The following CTBP1 variants were observed in gnomAD, a reference collection of about 807,000 sequenced individuals.
CTBP1 encodes the protein C-terminal binding protein 1, also known as C-terminal-binding protein 1.
Under a neutral mutation model 42.1 loss-of-function variants are expected in CTBP1, and 11 were observed. The observed-to-expected ratio is 0.26, with a 90% CI of 0.16 to 0.43. CTBP1 has a LOEUF of 0.43. Ranked by LOEUF, CTBP1 falls within the 20% of genes least tolerant of loss-of-function variation. The pLI, the probability that CTBP1 is intolerant of heterozygous loss-of-function variation, is 1.00. For synonymous variants in CTBP1, 324 were observed against 277.1 expected, an observed-to-expected ratio of 1.17 and a Z score of -1.68; for missense variants, 399 against 624.3, an observed-to-expected ratio of 0.64 and a Z score of 3.85.
intron 5 of CTBP1, among the ~76,000 whole-genome samples, chr4:1,224,114 G>C (rs890309293): frequency 2.6e-5 from 4 of 152,262 alleles, no homozygotes; most frequent in Non-Finnish European, 4.4e-5. Context: ...CAAGGGGCGA[G>C]CACATGCTAG....
At chr4:1,213,848 T>C (rs1166259832) in intron 7 of CTBP1, 7 of 519,610 alleles carry the variant, frequency 1.3e-5, no homozygotes, top group Non-Finnish European at 2.3e-5. Context: ...AAGTCCCTCG[T>C]GGGAGGAGCC....
chr4:1,233,986 G>A lies in CTBP1; in HGVS notation c.162+4197C>T, dbSNP rs143380607. Reference sequence around the variant, plus strand: ...CTTGTTGCTCCACGGTTCCCAGCACGTGGCTCCCCTCACAGTCCAAGGTGG... The same window carrying A: ...CTTGTTGCTCCACGGTTCCCAGCACATGGCTCCCCTCACAGTCCAAGGTGG... On this transcript the variant is annotated intron_variant, in intron 3 of 9. Coordinates refer to ENST00000382952, the MANE Select transcript of CTBP1 (RefSeq NM_001012614.2). This position sits in a 1 kb window ranked among gnomAD's most constrained non-coding sequence, Gnocchi z 4.6. 9.7e-3 allele frequency among the ~76,000 whole-genome samples: 1,476 copies of A among 152,266 alleles called. 19 individuals are homozygous for A. The highest frequency in any genetic ancestry group is 0.02 in the Middle Eastern group (6 of 294).
intron 1 of CTBP1, among the ~76,000 whole-genome samples, chr4:1,248,026 G>T (rs902109109): frequency 2.6e-5 from 4 of 152,254 alleles, no homozygotes; most frequent in Non-Finnish European, 5.9e-5. Context: ...TCCAGTCTCG[G>T]CCCGGGGCTC....
At position 1,213,608 on chromosome 4, in the gene CTBP1, G is replaced by A. The variant is rs1349074444; in HGVS notation, c.861-3C>T. On this transcript the variant is annotated splice_region_variant and splice_polypyrimidine_tract_variant and intron_variant, in intron 7 of 9. Transcript: ENST00000382952. ...CCTTCAGAGGGCCCTGGCTAAAGCT[G>A]GGAACAGCACAGGCATGGTCAGTGC... 2 of 1,612,582 alleles carry A rather than the reference G, an allele frequency of 1.2e-6. No individual in the cohort carries two copies. The highest frequency in any genetic ancestry group is 2.7e-5 in the African/African-American group (2 of 74,932).
chr4:1,247,373 A>G, intron 1 of CTBP1, among the ~76,000 whole-genome samples: 1 of 152,256 alleles, frequency 6.6e-6, no homozygotes, highest in Non-Finnish European at 1.5e-5. Flanking sequence ...CAACAGAATC[A>G]CAGAGAGCAA....
chr4:1,224,954 T>A (rs966143072), intron 5 of CTBP1, among the ~76,000 whole-genome samples: 1 of 151,748 alleles, frequency 6.6e-6, no homozygotes, highest in Non-Finnish European at 1.5e-5. Context: ...GAGGCCCACA[T>A]GTGTGCTCTG....
At chr4:1,232,693 G>GT (rs1446098244) in intron 3 of CTBP1, among the ~76,000 whole-genome samples, 2 of 152,192 alleles carry the variant, frequency 1.3e-5, no homozygotes, top group Non-Finnish European at 2.9e-5. Context: ...AGAAAACATT[G>GT]TATGTTCTGT....
At position 1,238,425 on chromosome 4, in the gene CTBP1, A is replaced by G; in HGVS notation, c.8-88T>C. The G allele has an allele frequency of 6.9e-7, 1 of 1,440,514 alleles. No individual in the cohort carries two copies. Among genetic ancestry groups the G allele is most frequent in the Non-Finnish European group, 9.2e-7 (1 of 1,084,512 alleles). 89.2% of individuals were successfully genotyped at this position (1,440,514 alleles called of 1,614,324 possible). On this transcript the variant is annotated intron_variant, in intron 2 of 9. Transcript: ENST00000382952. This position sits in a 1 kb window ranked among gnomAD's most constrained non-coding sequence, Gnocchi z 5.9. ...CACGCCACCCACTGTGCACGGGCCA[A>G]CGAGGGCCGACCGCCGGGGGTTTTC...
chr4:1,242,622 C>T, intron 1 of CTBP1: 1 of 985,470 alleles, frequency 1.0e-6, no homozygotes, highest in Non-Finnish European at 1.2e-6. Flanking sequence ...CACCTCCCAT[C>T]CAGGGTCCCC....
At chr4:1,230,870 C>T (rs3729593) in intron 3 of CTBP1, among the ~76,000 whole-genome samples, 9,351 of 152,332 alleles carry the variant, frequency 0.061, 481 homozygotes, top group East Asian at 0.21. Flanking sequence ...GTGCGCCGGC[C>T]AAGGGCCCTC....
At chr4:1,215,939 C>CA in intron 6 of CTBP1, 52 bp downstream of exon 6, 1 of 1,544,354 alleles carries the variant, frequency 6.5e-7, no homozygotes. Flanking sequence ...CTGACACCCC[C>CA]ACCTGTACCT....
intron 1 of CTBP1, chr4:1,243,662 G>A: frequency 1.0e-6 from 1 of 985,456 alleles, no homozygotes; most frequent in Non-Finnish European, 1.2e-6. Flanking sequence ...AATGCCAGAG[G>A]CCCTGCGCAC....
Position 1,241,534 on chromosome 4 carries a change from C to A in CTBP1, c.-188-15G>T. On this transcript the variant is annotated splice_polypyrimidine_tract_variant and intron_variant, in intron 1 of 9. Transcript: ENST00000382952. ...TCAAAGTCTTACTAAAAATCAAACA[C>A]AAGAGACACATTAAAATGCCATCGA... The A allele has an allele frequency of 6.3e-7, 1 of 1,583,122 alleles. No homozygotes were observed. Among genetic ancestry groups the A allele is most frequent in the East Asian group, 2.3e-5 (1 of 44,216 alleles).
intron 8 of CTBP1, 142 bp from the exon 9 acceptor site, chr4:1,213,172 GTCCT>G: frequency 1.2e-6 from 1 of 803,442 alleles, no homozygotes; most frequent in East Asian, 2.5e-5. Flanking sequence ...GCACGGCAGG[GTCCT>G]GTCTCTCTGG....
chr4:1,225,627 G>A (rs1730252880), intron 4 of CTBP1, 61 bp from the exon 5 acceptor site: 15 of 1,471,226 alleles, frequency 1.0e-5, no homozygotes, highest in South Asian at 7.6e-5. Flanking sequence ...GGAGGACACC[G>A]GGGCCGCCGT....
intron 7 of CTBP1, 61 bp from the exon 8 acceptor site, chr4:1,213,666 G>C: frequency 6.4e-7 from 1 of 1,572,978 alleles, no homozygotes; most frequent in African/African-American, 1.3e-5. Context: ...ACGGAGGGGA[G>C]GTGGCTGGGC....
chr4:1,223,244 C>T (rs1283455634), intron 5 of CTBP1, among the ~76,000 whole-genome samples: 1 of 152,082 alleles, frequency 6.6e-6, no homozygotes, highest in Non-Finnish European at 1.5e-5. Context: ...GGAGGGGCCG[C>T]CCAGGCCTCA....
intron 5 of CTBP1, chr4:1,223,360 G>A (rs1560244578): frequency 6.8e-6 from 3 of 440,924 alleles, no homozygotes; most frequent in South Asian, 3.1e-5. Flanking sequence ...CGTGAGAGAC[G>A]TGTCCAGGAA....
chr4:1,241,685 C>T (rs576593914), intron 1 of CTBP1, 166 bp from the exon 2 acceptor site: 21 of 1,262,098 alleles, frequency 1.7e-5, no homozygotes, highest in South Asian at 1.0e-4. Context: ...CCAGGGGCCC[C>T]GGCTCCTGCC....
Sources: gnomAD v4.1 joint callset for allele counts (sites outside exome capture counted in the v4.1 genomes callset) on GRCh38, gnomAD v4.1.1 for gene constraint, Gnocchi (gnomAD v3.1) non-coding constraint, MANE v1.5 for transcripts, NCBI Gene and HGNC (gene_info 2026-07-23, HGNC 2026-07-21) for gene names.